The following CSMD1 variants were observed in gnomAD, a reference collection of about 807,000 sequenced individuals.
CSMD1 encodes CUB and Sushi multiple domains 1.
Under a neutral mutation model 417.5 loss-of-function variants are expected in CSMD1, and 213 were observed. The ratio of observed to expected loss-of-function variants is 0.51; its 90% CI spans 0.46 to 0.57. The LOEUF is 0.57. Ranked by LOEUF, CSMD1 falls within the 20% of genes least tolerant of loss-of-function variation. The pLI is 0.00. For missense variants in CSMD1, 6,923 were observed against 4,529.7 expected, an observed-to-expected ratio of 1.53 and a Z score of -15.17; for synonymous variants, 2,862 against 1,736.8, an observed-to-expected ratio of 1.65 and a Z score of -16.11.
intron 5 of CSMD1, among the ~76,000 whole-genome samples, chr8:3,831,495 T>C (rs1258277050): frequency 5.3e-5 from 8 of 152,178 alleles, no homozygotes; most frequent in East Asian, 3.9e-4. Flanking sequence ...AAGCCCACAG[T>C]GTAGATGCTT....
chr8:3,211,036 A>C (rs1024100007), intron 30 of CSMD1, among the ~76,000 whole-genome samples: 1 of 152,108 alleles, frequency 6.6e-6, no homozygotes. Context: ...TAGAATTTTT[A>C]CCCAAAATTA....
At chr8:3,629,128 G>A (rs1235401532) in intron 7 of CSMD1, among the ~76,000 whole-genome samples, 1 of 152,154 alleles carries the variant, frequency 6.6e-6, no homozygotes, top group Admixed American at 6.5e-5. Context: ...CCTCAGGCAT[G>A]ACGTGAGCAA....
intron 1 of CSMD1, among the ~76,000 whole-genome samples, chr8:4,744,736 A>C (rs1358479562): frequency 2.6e-5 from 4 of 152,188 alleles, no homozygotes; most frequent in Non-Finnish European, 2.9e-5. Context: ...TAATTATACT[A>C]ATTAGTGTAT....
At chr8:3,940,049 G>C (rs1033237419) in intron 5 of CSMD1, among the ~76,000 whole-genome samples, 1 of 152,048 alleles carries the variant, frequency 6.6e-6, no homozygotes, top group African/African-American at 2.4e-5. Flanking sequence ...AAATACTGAA[G>C]ATGTGTAGAT....
chr8:3,011,305 T>A (rs1472351533), intron 52 of CSMD1, among the ~76,000 whole-genome samples: 1 of 152,156 alleles, frequency 6.6e-6, no homozygotes, highest in Admixed American at 6.6e-5. Context: ...TATTTTACAC[T>A]TAAGACGGTA....
At chr8:4,083,167 C>G (rs984009471) in intron 3 of CSMD1, among the ~76,000 whole-genome samples, 7 of 152,070 alleles carry the variant, frequency 4.6e-5, no homozygotes, top group African/African-American at 1.2e-4. Flanking sequence ...ATTTCTGGTT[C>G]TAGATCCCTG....
intron 3 of CSMD1, among the ~76,000 whole-genome samples, chr8:4,179,309 C>T (rs894986750): frequency 3.3e-5 from 5 of 152,128 alleles, no homozygotes; most frequent in African/African-American, 1.2e-4. Context: ...ACAAACCTGA[C>T]AAAACCAAGC....
At chr8:4,231,297 G>C (rs146740787) in intron 3 of CSMD1, among the ~76,000 whole-genome samples, 3 of 152,166 alleles carry the variant, frequency 2.0e-5, no homozygotes, top group Non-Finnish European at 2.9e-5. Context: ...AGAAAAGCGT[G>C]TGAGGCTCAG....
At chr8:4,272,772 G>A (rs568809706) in intron 3 of CSMD1, among the ~76,000 whole-genome samples, 12 of 152,208 alleles carry the variant, frequency 7.9e-5, no homozygotes, top group East Asian at 1.9e-4. Context: ...CTCAGTAAAG[G>A]AGGTTAGTAT....
At chr8:3,609,030 T>C (rs1369343840) in intron 8 of CSMD1, among the ~76,000 whole-genome samples, 2 of 152,192 alleles carry the variant, frequency 1.3e-5, no homozygotes, top group Non-Finnish European at 2.9e-5. Flanking sequence ...CGGTCCTGCA[T>C]AGTGAGTGTA....
chr8:3,096,121 G>C (rs1449532401), intron 47 of CSMD1, among the ~76,000 whole-genome samples: 1 of 152,098 alleles, frequency 6.6e-6, no homozygotes, highest in Non-Finnish European at 1.5e-5. Flanking sequence ...GAGAGAAAGA[G>C]TTATTGAGAT....
chr8:4,515,588 C>T (rs534282094), intron 2 of CSMD1, among the ~76,000 whole-genome samples: 17 of 152,238 alleles, frequency 1.1e-4, no homozygotes, highest in African/African-American at 4.1e-4. Context: ...ATATACTTGC[C>T]TTACATGAGA....
chr8:3,307,937 TCAC>T, intron 24 of CSMD1, 116 bp from the exon 25 acceptor site: 3 of 1,130,248 alleles, frequency 2.7e-6, no homozygotes, highest in Non-Finnish European at 3.7e-6. Flanking sequence ...AGAAAAAGAA[TCAC>T]CATCATCTCT....
intron 7 of CSMD1, among the ~76,000 whole-genome samples, chr8:3,652,853 C>A (rs2117394179): frequency 6.6e-6 from 1 of 152,260 alleles, no homozygotes; most frequent in African/African-American, 2.4e-5. Flanking sequence ...TTGGCAGAAC[C>A]TAGAACAGAG....
Position 3,035,344 on chromosome 8 carries a change from G to T in CSMD1, c.7661-5831C>A, listed in dbSNP as rs192608487. On this transcript the variant is annotated intron_variant, in intron 50 of 69. Transcript: ENST00000635120. Reference sequence around the variant, plus strand: ...GCGGATCCTCACTCACAACGACACTGAGACAGAAAAGGAGGGTATCACTAT... The same window carrying T: ...GCGGATCCTCACTCACAACGACACTTAGACAGAAAAGGAGGGTATCACTAT... Among the ~76,000 whole-genome samples the T allele has an allele frequency of 1.4e-3, 210 of 152,208 alleles. 3 individuals carry two copies. Among genetic ancestry groups the T allele is most frequent in the Non-Finnish European group, 8.8e-5 (6 of 68,024 alleles).
intron 1 of CSMD1, among the ~76,000 whole-genome samples, chr8:4,929,716 C>T (rs1256817462): frequency 3.6e-4 from 54 of 152,038 alleles, no homozygotes; most frequent in Admixed American, 3.2e-3. Context: ...TTCTGGAGCC[C>T]GCACTTGACA....
rs76337583 is a variant in CSMD1 at position 3,686,560 on chromosome 8, A to C, written c.1009+21854T>G. Among the ~76,000 whole-genome samples the C allele has an allele frequency of 3.3e-5, 5 of 152,298 alleles. No individual in the cohort carries two copies. The East Asian group carries it at 9.6e-4, about 29-fold the overall frequency. On this transcript the variant is annotated intron_variant, in intron 7 of 69. Transcript: ENST00000635120. ...AAGCAGGAGATAGAATTCCCATACG[A>C]AATATACTGTCTTGATACCAAAAGG...
At chr8:4,248,855 C>G (rs1273798505) in intron 3 of CSMD1, among the ~76,000 whole-genome samples, 1 of 152,046 alleles carries the variant, frequency 6.6e-6, no homozygotes, top group Non-Finnish European at 1.5e-5. Flanking sequence ...CAATTGCTAA[C>G]TCTCAAAAGT....
chr8:4,113,449 G>C (rs1454416819), intron 3 of CSMD1, among the ~76,000 whole-genome samples: 1 of 137,418 alleles, frequency 7.3e-6, no homozygotes, highest in Non-Finnish European at 1.5e-5. Flanking sequence ...CTGTCACGCA[G>C]GCTGGACTGC....
Sources: gnomAD v4.1 joint callset for allele counts (sites outside exome capture counted in the v4.1 genomes callset) on GRCh38, gnomAD v4.1.1 for gene constraint, MANE v1.5 for transcripts, NCBI Gene and HGNC (gene_info 2026-07-23, HGNC 2026-07-21) for gene names.